GRIN2A: variants seen among roughly 807,000 people sequenced by gnomAD.
GRIN2A encodes glutamate receptor ionotropic, NMDA 2A.
Under a neutral mutation model 113.4 loss-of-function variants are expected in GRIN2A, and 22 were observed. The ratio of observed to expected loss-of-function variants is 0.19; its 90% CI spans 0.14 to 0.28. The LOEUF (loss-of-function observed/expected upper bound fraction) is 0.28, where lower values mean the gene tolerates loss of function less well. GRIN2A is among the 10% of genes least tolerant of loss of function. The probability of loss-of-function intolerance (pLI) is 1.00; values close to 1 mark genes in which losing one functional copy is unlikely to be tolerated. For synonymous variants in GRIN2A, 827 were observed against 738.4 expected, an observed-to-expected ratio of 1.12 and a Z score of -1.94; for missense variants, 1,502 against 1,887.0, an observed-to-expected ratio of 0.80 and a Z score of 3.78.
chr16:10,175,155 A>G (rs539599707), intron 2 of GRIN2A, among the ~76,000 whole-genome samples: 1 of 152,348 alleles, frequency 6.6e-6, no homozygotes, highest in East Asian at 1.9e-4. Context: ...GTAACAGACT[A>G]TACCACCTAG....
intron 5 of GRIN2A, among the ~76,000 whole-genome samples, chr16:9,845,234 G>T (rs924612078): frequency 6.6e-6 from 1 of 152,152 alleles, no homozygotes; most frequent in African/African-American, 2.4e-5. Flanking sequence ...TTAAGCTGTT[G>T]ATAGTCTTCA....
chr16:9,806,243 T>C (rs750930205), intron 10 of GRIN2A, among the ~76,000 whole-genome samples: 1 of 152,236 alleles, frequency 6.6e-6, no homozygotes, highest in East Asian at 1.9e-4. Flanking sequence ...ATTTATAACT[T>C]CTGCCATTTT....
Position 9,760,374 on chromosome 16 carries a change from A to ATTGTTT in GRIN2A, c.*2774_*2775insAAACAA, listed in dbSNP as rs1900528382. ...AAATTGACCATCTGATCAGTAGTTG[A>ATTGTTT]TTTTTTTTTTTTTTTTTTTTTTTTG... On this transcript the variant is annotated 3_prime_UTR_variant, in exon 13 of 13. Coordinates refer to ENST00000330684, the MANE Select transcript of GRIN2A (RefSeq NM_001134407.3). 1 of 89,550 alleles carries ATTGTTT rather than the reference A, an allele frequency of 1.1e-5. No individual in the cohort carries two copies. Among genetic ancestry groups the ATTGTTT allele is most frequent in the South Asian group, 6.0e-4 (1 of 1,666 alleles). 5.5% of individuals were successfully genotyped at this position (89,550 alleles called of 1,614,324 possible).
chr16:9,811,953 A>G (rs374934926), intron 10 of GRIN2A, among the ~76,000 whole-genome samples: 37 of 152,128 alleles, frequency 2.4e-4, no homozygotes, highest in Non-Finnish European at 4.6e-4. Flanking sequence ...CCTTATCTCA[A>G]TGGAAGAAGA....
intron 11 of GRIN2A, among the ~76,000 whole-genome samples, chr16:9,797,993 G>T (rs1382084943): frequency 6.6e-6 from 1 of 152,128 alleles, no homozygotes; most frequent in East Asian, 1.9e-4. Flanking sequence ...AAGGCACCAG[G>T]ACTGTCCTGG....
chr16:10,141,407 G>A (rs540401614), intron 2 of GRIN2A, among the ~76,000 whole-genome samples: 1 of 152,216 alleles, frequency 6.6e-6, no homozygotes, highest in African/African-American at 2.4e-5. Flanking sequence ...AGTATTGCTT[G>A]AGCCCGGGAG....
At chr16:9,856,867 A>G (rs1476635217) in intron 4 of GRIN2A, among the ~76,000 whole-genome samples, 2 of 152,072 alleles carry the variant, frequency 1.3e-5, no homozygotes, top group African/African-American at 2.4e-5. Context: ...AAAAAATGCA[A>G]CTAGAATTTT....
intron 2 of GRIN2A, among the ~76,000 whole-genome samples, chr16:10,007,310 G>C (rs368873411): frequency 1.3e-5 from 2 of 152,116 alleles, no homozygotes; most frequent in South Asian, 4.1e-4. Flanking sequence ...CCTGTCTTTT[G>C]TAAAAAAGTC....
intron 7 of GRIN2A, 62 bp downstream of exon 7, chr16:9,840,585 A>G: frequency 6.7e-7 from 1 of 1,494,530 alleles, no homozygotes; most frequent in South Asian, 1.1e-5. Context: ...CCATCCTCTG[A>G]GCAAACAAGA....
intron 10 of GRIN2A, among the ~76,000 whole-genome samples, chr16:9,801,314 G>A (rs1454102745): frequency 6.6e-6 from 1 of 152,164 alleles, no homozygotes; most frequent in Non-Finnish European, 1.5e-5. Context: ...GACTTTCTAA[G>A]TACCACCCAA....
intron 2 of GRIN2A, among the ~76,000 whole-genome samples, chr16:9,976,434 G>A (rs1319362109): frequency 6.6e-6 from 1 of 152,116 alleles, no homozygotes; most frequent in Non-Finnish European, 1.5e-5. Flanking sequence ...GCCAGATCCC[G>A]GTGTTCTGAT....
intron 10 of GRIN2A, among the ~76,000 whole-genome samples, chr16:9,802,272 A>G (rs1903409327): frequency 6.6e-6 from 1 of 152,162 alleles, no homozygotes; most frequent in African/African-American, 2.4e-5. Context: ...TAGCAAAGAC[A>G]TGGCATCAAC....
chr16:10,142,542 A>T (rs2049348333), intron 2 of GRIN2A, among the ~76,000 whole-genome samples: 1 of 152,066 alleles, frequency 6.6e-6, no homozygotes, highest in Non-Finnish European at 1.5e-5. Context: ...AACATTTAAA[A>T]ATTACCCGGG....
At chr16:9,862,362 G>T (rs1459474654) in intron 4 of GRIN2A, among the ~76,000 whole-genome samples, 3 of 152,126 alleles carry the variant, frequency 2.0e-5, no homozygotes, top group South Asian at 2.1e-4. Flanking sequence ...AGATAATCTA[G>T]TATCTTTATG....
intron 2 of GRIN2A, among the ~76,000 whole-genome samples, chr16:10,101,762 C>T (rs936096683): frequency 6.6e-6 from 1 of 152,146 alleles, no homozygotes; most frequent in Non-Finnish European, 1.5e-5. Flanking sequence ...TAGAGGGAGA[C>T]AAGAGAAAAA....
intron 11 of GRIN2A, among the ~76,000 whole-genome samples, chr16:9,783,233 T>C (rs549701975): frequency 3.7e-4 from 56 of 152,346 alleles, no homozygotes; most frequent in African/African-American, 1.3e-3. Flanking sequence ...TCAACGGTCT[T>C]TAGCTGCACT....
chr16:10,104,216 G>C (rs1229309950), intron 2 of GRIN2A, among the ~76,000 whole-genome samples: 1 of 152,216 alleles, frequency 6.6e-6, no homozygotes, highest in Non-Finnish European at 1.5e-5. Flanking sequence ...TCTGTCATCT[G>C]TTCATTCATC....
chr16:10,149,046 T>C (rs1030972928), intron 2 of GRIN2A, among the ~76,000 whole-genome samples: 2 of 151,474 alleles, frequency 1.3e-5, no homozygotes, highest in African/African-American at 2.4e-5. Flanking sequence ...ACAGAGAGAG[T>C]AGTGCAATGG....
chr16:9,947,558 G>A (rs1170861861), intron 2 of GRIN2A, among the ~76,000 whole-genome samples: 1 of 152,190 alleles, frequency 6.6e-6, no homozygotes, highest in Non-Finnish European at 1.5e-5. Flanking sequence ...TCGTCGAAAT[G>A]TCCATTTCAA....
Sources: allele counts gnomAD v4.1 joint callset (sites outside exome capture counted in the v4.1 genomes callset), GRCh38; gene constraint gnomAD v4.1.1; transcripts MANE v1.5; gene names NCBI Gene and HGNC (gene_info 2026-07-23, HGNC 2026-07-21).